Variants in SEC23B observed in about 807,000 individuals in gnomAD.
The protein encoded by SEC23B is protein transport protein Sec23B.
SEC23B carries 77 observed loss-of-function variants against 104.3 expected under a neutral mutation model. The ratio of observed to expected loss-of-function variants is 0.74; its 90% CI spans 0.61 to 0.89. The LOEUF (loss-of-function observed/expected upper bound fraction) is 0.89, where lower values mean the gene tolerates loss of function less well. Ranked by LOEUF, SEC23B falls within the 40% of genes least tolerant of loss-of-function variation. The pLI, the probability that SEC23B is intolerant of heterozygous loss-of-function variation, is 0.00. For synonymous variants in SEC23B, 338 were observed against 332.5 expected (o/e 1.02, Z -0.18); for missense variants, 885 against 949.4 (o/e 0.93, Z 0.89).
chr20:18,526,455 A>G lies in SEC23B; in HGVS notation c.917A>G (p.Asp306Gly). ...CAAGGGCCTGGCATGGTGGTTGGAG[A>G]TGAATTAAAGATTCCTATTCGTTCT... ...PTQGPGMVVG[D>G]ELKIPIRSWH... Residue 306 changes from aspartate (D) to glycine (G), a missense_variant, in exon 8 of 20, where the codon GAT becomes GGT. Asp to Gly is a moderately conservative substitution (Grantham distance 94). Transcript: ENST00000650089. 6.2e-7 allele frequency: 1 copy of G among 1,614,214 alleles called. No homozygotes were observed. The highest frequency in any genetic ancestry group is 8.5e-7 in the Non-Finnish European group (1 of 1,180,028).
intron 14 of SEC23B, among the ~76,000 whole-genome samples, chr20:18,545,639 G>T (rs1264698755): frequency 6.6e-6 from 1 of 152,132 alleles, no homozygotes. Flanking sequence ...GTGTTAGAGG[G>T]TTTTCATATG....
At chr20:18,542,727 C>T (rs987097169) in intron 13 of SEC23B, among the ~76,000 whole-genome samples, 8 of 152,194 alleles carry the variant, frequency 5.3e-5, no homozygotes, top group African/African-American at 1.9e-4. Flanking sequence ...CTCAACCTCC[C>T]ATGCTCAAGT....
At chr20:18,538,757 A>G (rs1284443318) in intron 12 of SEC23B, among the ~76,000 whole-genome samples, 1 of 152,150 alleles carries the variant, frequency 6.6e-6, no homozygotes, top group Non-Finnish European at 1.5e-5. Context: ...TGTCATTTCA[A>G]CAGTGTCACA....
chr20:18,545,679 T>G (rs1230230772), intron 14 of SEC23B, among the ~76,000 whole-genome samples: 1 of 152,210 alleles, frequency 6.6e-6, no homozygotes, highest in African/African-American at 2.4e-5. Context: ...CTCACCTAGC[T>G]TCTCTGGTTA....
chr20:18,524,501 A>G lies in SEC23B; in HGVS notation c.435A>G (p.Gln145=), dbSNP rs1369422252. 6.2e-7 allele frequency: 1 copy of G among 1,614,216 alleles called. No individual in the cohort carries two copies. Among genetic ancestry groups the G allele is most frequent in the East Asian group, 2.2e-5 (1 of 44,886 alleles). Residue 145 remains glutamine (Q), a synonymous_variant, in exon 5 of 20, where the codon CAA becomes CAG. Coordinates refer to ENST00000650089, the MANE Select transcript of SEC23B (RefSeq NM_006363.6). ...CATGCCTGGAGGAAGATGACCTTCA[A>G]GCACTCAAAGAGTCCCTGCAGATGT... is the stretch of plus-strand genomic sequence containing the variant. ...VDTCLEEDDL[Q]ALKESLQMSL...
At chr20:18,558,325 G>A (rs781551108) in intron 19 of SEC23B, among the ~76,000 whole-genome samples, 37 of 152,126 alleles carry the variant, frequency 2.4e-4, no homozygotes, top group Non-Finnish European at 4.7e-4. Context: ...GTCTTTTTCT[G>A]TTGTTAGTTT....
In SEC23B at chr20:18,540,316, C is replaced by G. The variant is rs115238795; in HGVS notation, c.1405-1980C>G. Among the ~76,000 whole-genome samples, 775 of 152,286 alleles carry G rather than the reference C, an allele frequency of 5.1e-3. 9 individuals are homozygous for G. The highest frequency in any genetic ancestry group is 0.039 in the South Asian group (189 of 4,818). ...ATGAAAACGTTTATCTCCTTTATATCTCCGTCAGAGCTCTTGAGTGACCAG... is the reference window on the plus strand; with the variant it reads ...ATGAAAACGTTTATCTCCTTTATATGTCCGTCAGAGCTCTTGAGTGACCAG... On this transcript the variant is annotated intron_variant, in intron 12 of 19. Coordinates refer to ENST00000650089, the MANE Select transcript of SEC23B (RefSeq NM_006363.6).
At chr20:18,535,267 T>C (rs370118796) in intron 11 of SEC23B, among the ~76,000 whole-genome samples, 2 of 150,822 alleles carry the variant, frequency 1.3e-5, no homozygotes, top group East Asian at 2.0e-4. Flanking sequence ...CCCAACACTT[T>C]GGGAGGCTGA....
chr20:18,543,155 C>T lies in SEC23B; in HGVS notation c.1648C>T (p.Arg550Ter), dbSNP rs199939108. The T allele has an allele frequency of 3.0e-5, 49 of 1,613,950 alleles. No individual in the cohort carries two copies. Among genetic ancestry groups the T allele is most frequent in the Admixed American group, 1.0e-4 (6 of 59,986 alleles). ...GCCCGATGTGCTCCGGTGGCTGGAC[C>T]GACAACTCATCCGACTGGTAAATTG... ...EGPDVLRWLD[R>*]QLIRLCQKFG... is the part of the protein sequence containing the mutation. The change falls in exon 14 of 20, where the codon CGA becomes TGA. Residue 550 changes from arginine to a stop codon, truncating the protein, a stop_gained. Transcript: ENST00000650089. LOFTEE classifies it high-confidence loss of function.
At chr20:18,540,173 A>G (rs531529192) in intron 12 of SEC23B, among the ~76,000 whole-genome samples, 75 of 152,366 alleles carry the variant, frequency 4.9e-4, no homozygotes, top group African/African-American at 1.7e-3. Flanking sequence ...GATCCATCCC[A>G]GGAATCACTA....
intron 4 of SEC23B, among the ~76,000 whole-genome samples, chr20:18,520,452 G>A (rs920824987): frequency 7.2e-5 from 11 of 152,232 alleles, no homozygotes; most frequent in Admixed American, 5.9e-4. Context: ...TAAGGTTGGG[G>A]GGTACAAGAG....
intron 7 of SEC23B, 37 bp from the exon 8 acceptor site, chr20:18,526,336 C>G: frequency 1.2e-6 from 2 of 1,609,098 alleles, no homozygotes; most frequent in South Asian, 1.1e-5. Flanking sequence ...AAAGGTGAGG[C>G]TGTATACTTC....
Position 18,545,870 on chromosome 20 carries a change from A to G in SEC23B, c.1666-86A>G, listed in dbSNP as rs2060327053. On this transcript the variant is annotated intron_variant, in intron 14 of 19. Coordinates refer to ENST00000650089, the MANE Select transcript of SEC23B (RefSeq NM_006363.6). Reference sequence around the variant, plus strand: ...GTTCAGACTGGATGTAGCTTAGTCCAGGAATATTTCCAGGTAATGCTAACT... The same window carrying G: ...GTTCAGACTGGATGTAGCTTAGTCCGGGAATATTTCCAGGTAATGCTAACT... 5 of 826,636 alleles carry G rather than the reference A, an allele frequency of 6.0e-6. No individual in the cohort carries two copies. The South Asian group carries it at 6.6e-5, about 11-fold the overall frequency. 51.2% of individuals were successfully genotyped at this position (826,636 alleles called of 1,614,324 possible). A position where few individuals can be genotyped will look rare whatever the true frequency, so the allele number is the denominator to read the frequency against.
intron 12 of SEC23B, among the ~76,000 whole-genome samples, chr20:18,537,942 TG>T (rs995238983): frequency 4.0e-5 from 6 of 151,512 alleles, no homozygotes; most frequent in African/African-American, 1.5e-4. Flanking sequence ...CTTCTCTTTT[TG>T]TTTTTTTTTT....
chr20:18,510,622 C>G (rs775891826), intron 1 of SEC23B, among the ~76,000 whole-genome samples, 200 bp from the exon 2 acceptor site: 1 of 152,028 alleles, frequency 6.6e-6, no homozygotes, highest in African/African-American at 2.4e-5. Context: ...AAAAATTAGC[C>G]GGGCTTGGTG....
intron 3 of SEC23B, among the ~76,000 whole-genome samples, chr20:18,513,029 C>T (rs552964402): frequency 6.6e-6 from 1 of 152,156 alleles, no homozygotes; most frequent in Admixed American, 6.5e-5. Context: ...ACTAAAAATA[C>T]AAAAATTAGC....
At chr20:18,518,688 A>G (rs539507983) in intron 4 of SEC23B, among the ~76,000 whole-genome samples, 1 of 149,132 alleles carries the variant, frequency 6.7e-6, no homozygotes, top group South Asian at 2.1e-4. Context: ...GACCAATGAG[A>G]AGGAGAAAAA....
intron 19 of SEC23B, among the ~76,000 whole-genome samples, chr20:18,559,790 G>A (rs2060475403): frequency 6.6e-6 from 1 of 152,058 alleles, no homozygotes; most frequent in Non-Finnish European, 1.5e-5. Flanking sequence ...GCATCCTTGG[G>A]TCCCAAGGTC....
chr20:18,538,966 GAGATTGAGGC>G (rs2060261647), intron 12 of SEC23B, among the ~76,000 whole-genome samples: 3 of 151,692 alleles, frequency 2.0e-5, no homozygotes, highest in Non-Finnish European at 2.9e-5. Flanking sequence ...AGCATTTTGG[GAGATTGAGGC>G]AGGTGGATCA....
Sources: gnomAD v4.1 joint callset for allele counts (sites outside exome capture counted in the v4.1 genomes callset) on GRCh38, gnomAD v4.1.1 for gene constraint, MANE v1.5 for transcripts, NCBI Gene and HGNC (gene_info 2026-07-23, HGNC 2026-07-21) for gene names.